Variants in GMCL1 observed in about 807,000 individuals in gnomAD.
GMCL1 encodes germ cell-less protein-like 1.
In GMCL1, 54 loss-of-function variants were observed where a neutral mutation model predicts 75.5. The ratio of observed to expected loss-of-function variants is 0.71; its 90% CI spans 0.57 to 0.90. The LOEUF (loss-of-function observed/expected upper bound fraction) is 0.90. Among genes scored for constraint, GMCL1 ranks in the 40% least tolerant of loss-of-function variants. GMCL1 has a pLI of 0.00. For synonymous variants in GMCL1, 210 were observed against 209.6 expected (o/e 1.00, Z -0.02); for missense variants, 537 against 622.7 (o/e 0.86, Z 1.47).
chr2:69,869,711 T>G lies in GMCL1; in HGVS notation c.1219-8T>G. 1 of 1,611,578 alleles carries G rather than the reference T, an allele frequency of 6.2e-7. No homozygotes were observed. Among genetic ancestry groups the G allele is most frequent in the Non-Finnish European group, 8.5e-7 (1 of 1,178,836 alleles). ...ACTGAAATAAGTCTTCTCTCTTGTA[T>G]TTTTTAGTACTGCTGGCGTTGGACA... is the stretch of plus-strand genomic sequence containing the variant. On this transcript the variant is annotated splice_polypyrimidine_tract_variant and splice_region_variant and intron_variant, in intron 11 of 13. Coordinates refer to ENST00000282570, the MANE Select transcript of GMCL1 (RefSeq NM_178439.5).
At chr2:69,850,670 A>G (rs1325822635) in intron 8 of GMCL1, among the ~76,000 whole-genome samples, 1 of 152,212 alleles carries the variant, frequency 6.6e-6, no homozygotes, top group African/African-American at 2.4e-5. Context: ...TATACGTCTT[A>G]ACATATATTA....
At chr2:69,839,307 G>A in intron 2 of GMCL1, 150 bp from the exon 3 acceptor site, 1 of 517,324 alleles carries the variant, frequency 1.9e-6, no homozygotes. Context: ...TTTCTCCTGT[G>A]GACATATTTG....
chr2:69,854,713 C>A, intron 8 of GMCL1, 110 bp from the exon 9 acceptor site: 1 of 795,042 alleles, frequency 1.3e-6, no homozygotes, highest in Non-Finnish European at 2.0e-6. Flanking sequence ...TTAAAACTAG[C>A]TTATTTTGTA....
chr2:69,831,994 A>G (rs188832332), intron 1 of GMCL1, among the ~76,000 whole-genome samples: 1 of 152,156 alleles, frequency 6.6e-6, no homozygotes, highest in African/African-American at 2.4e-5. Flanking sequence ...GCTGAAGCAG[A>G]CAGATCACCT....
intron 3 of GMCL1, among the ~76,000 whole-genome samples, chr2:69,840,502 G>C (rs1415561018): frequency 2.0e-5 from 3 of 152,162 alleles, no homozygotes; most frequent in Non-Finnish European, 4.4e-5. Context: ...AGATCACTGT[G>C]GGGGCTGGGA....
chr2:69,861,570 T>TATTAGTAAA (rs1675648725), intron 10 of GMCL1, among the ~76,000 whole-genome samples: 2 of 152,252 alleles, frequency 1.3e-5, no homozygotes, highest in East Asian at 3.8e-4. Flanking sequence ...TCATTTGCTT[T>TATTAGTAAA]ATTAGTAAAA....
rs562032070 is a variant in GMCL1 at position 69,837,428 on chromosome 2, A to G, written c.261-119A>G. On this transcript the variant is annotated intron_variant, in intron 1 of 13. Coordinates refer to ENST00000282570, the MANE Select transcript of GMCL1 (RefSeq NM_178439.5). ...TACTATCTCCCTATCCTTTTACACA[A>G]TAGGTAAGTTGACTCTATTTAATAG... 6.1e-6 allele frequency: 5 copies of G among 824,142 alleles called. No homozygotes were observed. The South Asian group carries it at 6.2e-5, about 10-fold the overall frequency. 51.1% of individuals were successfully genotyped at this position (824,142 alleles called of 1,614,324 possible). A position where few individuals can be genotyped will look rare whatever the true frequency, so the allele number is the denominator to read the frequency against.
chr2:69,861,365 TATC>T lies in GMCL1; in HGVS notation c.1142+21_1142+23del, dbSNP rs1403279922. On this transcript the variant is annotated intron_variant, in intron 10 of 13. Transcript: ENST00000282570. ...GAGGTGGGGTAAGTATATTATACCTTATCATTTTTCATTAAAAAAATTTGCTAT... is the reference window on the plus strand; with the variant it reads ...GAGGTGGGGTAAGTATATTATACCTTATTTTTCATTAAAAAAATTTGCTAT... 3 of 1,508,332 alleles carry T rather than the reference TATC, an allele frequency of 2.0e-6. No homozygotes were observed. The highest frequency in any genetic ancestry group is 9.0e-7 in the Non-Finnish European group (1 of 1,112,202). The allele number at this position is 1,508,332 out of a possible 1,614,324, so 93.4% of individuals were successfully genotyped here.
chr2:69,856,960 C>T (rs1228689539), intron 9 of GMCL1, among the ~76,000 whole-genome samples: 4 of 152,070 alleles, frequency 2.6e-5, no homozygotes, highest in Admixed American at 2.0e-4. Flanking sequence ...TTGACCTCAG[C>T]TCTCAGCCTC....
chr2:69,869,176 G>C (rs1675910658), intron 11 of GMCL1, among the ~76,000 whole-genome samples: 1 of 151,536 alleles, frequency 6.6e-6, no homozygotes, highest in Admixed American at 6.6e-5. Flanking sequence ...TTGAACCCGG[G>C]AGGTGGAGGT....
At chr2:69,870,702 G>A (rs1675959406) in intron 12 of GMCL1, among the ~76,000 whole-genome samples, 1 of 152,198 alleles carries the variant, frequency 6.6e-6, no homozygotes, top group African/African-American at 2.4e-5. Flanking sequence ...ATGGGCCAAA[G>A]ACTTCCATAA....
intron 10 of GMCL1, 21 bp downstream of exon 10, chr2:69,861,368 C>A (rs747030725): frequency 1.3e-6 from 2 of 1,481,836 alleles, no homozygotes; most frequent in South Asian, 2.6e-5. Flanking sequence ...TATACCTTAT[C>A]ATTTTTCATT....
intron 4 of GMCL1, 161 bp from the exon 5 acceptor site, chr2:69,842,988 G>C (rs921804004): frequency 2.9e-6 from 1 of 342,138 alleles, no homozygotes; most frequent in Non-Finnish European, 5.0e-6. Flanking sequence ...TATTGGACTT[G>C]TTAAAAAAAA....
At chr2:69,845,366 G>A (rs1675109656) in intron 6 of GMCL1, among the ~76,000 whole-genome samples, 1 of 152,158 alleles carries the variant, frequency 6.6e-6, no homozygotes, top group Admixed American at 6.5e-5. Context: ...TGGATTCCAG[G>A]GTTCTAAAAA....
chr2:69,863,703 T>A (rs571461592), intron 10 of GMCL1, among the ~76,000 whole-genome samples: 10 of 152,346 alleles, frequency 6.6e-5, no homozygotes, highest in African/African-American at 2.4e-4. Context: ...TGGGAACTTG[T>A]TACCTACAAG....
intron 7 of GMCL1, among the ~76,000 whole-genome samples, chr2:69,848,203 C>A (rs972416189): frequency 1.3e-5 from 2 of 152,206 alleles, no homozygotes; most frequent in African/African-American, 4.8e-5. Flanking sequence ...TAGTCCATTG[C>A]CCTCTTCCTA....
intron 1 of GMCL1, among the ~76,000 whole-genome samples, chr2:69,833,672 T>C (rs924514573): frequency 6.6e-6 from 1 of 152,232 alleles, no homozygotes; most frequent in Non-Finnish European, 1.5e-5. Flanking sequence ...GAATTTTGTG[T>C]GTTGGCCCTA....
intron 3 of GMCL1, 35 bp downstream of exon 3, chr2:69,839,588 C>G (rs148712926): frequency 3.3e-6 from 4 of 1,216,858 alleles, no homozygotes; most frequent in South Asian, 1.3e-5. Flanking sequence ...ATGCAACAAT[C>G]GTAAAAACAT....
chr2:69,839,614 G>C, intron 3 of GMCL1, 61 bp downstream of exon 3: 1 of 1,089,904 alleles, frequency 9.2e-7, no homozygotes, highest in Non-Finnish European at 1.4e-6. Context: ...TATTCTTCTG[G>C]TAGAAGATAA....
Sources: gnomAD v4.1 joint callset for allele counts (sites outside exome capture counted in the v4.1 genomes callset) on GRCh38, gnomAD v4.1.1 for gene constraint, MANE v1.5 for transcripts, NCBI Gene and HGNC (gene_info 2026-07-23, HGNC 2026-07-21) for gene names.